The following SEPTIN11 variants were observed in gnomAD, a reference collection of about 807,000 sequenced individuals.
SEPTIN11 encodes septin 11.
Under a neutral mutation model 51.4 loss-of-function variants are expected in SEPTIN11, and 25 were observed. The observed-to-expected ratio is 0.49, with a 90% CI of 0.35 to 0.68. The LOEUF is 0.68. SEPTIN11 is among the 30% of genes least tolerant of loss of function. SEPTIN11 has a pLI of 0.00. For missense variants in SEPTIN11, 381 were observed against 520.8 expected, an observed-to-expected ratio of 0.73 and a Z score of 2.61; for synonymous variants, 174 against 184.1, an observed-to-expected ratio of 0.95 and a Z score of 0.44.
At position 76,949,761 on chromosome 4, in the gene SEPTIN11, C is replaced by T; in HGVS notation, c.-143C>T. 2.4e-6 allele frequency: 2 copies of T among 829,514 alleles called. No homozygotes were observed. Among genetic ancestry groups the T allele is most frequent in the South Asian group, 1.8e-5 (1 of 55,772 alleles). 51.4% of individuals were successfully genotyped at this position (829,514 alleles called of 1,614,324 possible). A position where few individuals can be genotyped will look rare whatever the true frequency, so the allele number is the denominator to read the frequency against. On this transcript the variant is annotated 5_prime_UTR_variant, in exon 1 of 10. Coordinates refer to ENST00000264893, the MANE Select transcript of SEPTIN11 (RefSeq NM_018243.4). The stretch of plus-strand genomic sequence containing the variant: ...GGCGGCGGCGTGGGGGGAGCAGATG[C>T]CGCTGGCTGCCAGCGGGACGCCGGC...
In SEPTIN11 at chr4:76,968,495, A is replaced by G. The variant is rs1317761938; in HGVS notation, c.27+18565A>G. On this transcript the variant is annotated intron_variant, in intron 1 of 9. Transcript: ENST00000264893. ...AACTATTAGTGACAATTAGAGTCTC[A>G]GAAAAACAAAAAAGGCAGATGTTTT... is the stretch of plus-strand genomic sequence containing the variant. Among the ~76,000 whole-genome samples the G allele has an allele frequency of 2.6e-5, 4 of 152,232 alleles. No individual in the cohort carries two copies. In the East Asian group the frequency reaches 7.7e-4, roughly 29 times the overall value.
At chr4:77,027,469 G>A (rs1209063923) in intron 7 of SEPTIN11, among the ~76,000 whole-genome samples, 1 of 152,142 alleles carries the variant, frequency 6.6e-6, no homozygotes, top group Non-Finnish European at 1.5e-5. Context: ...TGGTTGTGTG[G>A]TTCATTATAG....
At chr4:76,989,646 C>T (rs28678521) in intron 1 of SEPTIN11, among the ~76,000 whole-genome samples, 79,925 of 152,104 alleles carry the variant, frequency 0.53, 21,822 homozygotes, top group Middle Eastern at 0.62. Flanking sequence ...TTTACAAACT[C>T]TCAGTCAACA....
At chr4:76,968,363 CTTAAG>C (rs925739979) in intron 1 of SEPTIN11, among the ~76,000 whole-genome samples, 2 of 152,126 alleles carry the variant, frequency 1.3e-5, no homozygotes, top group Admixed American at 1.3e-4. Flanking sequence ...GGCCTAAGGA[CTTAAG>C]TTGAGGCTTA....
chr4:76,971,913 A>G lies in SEPTIN11; in HGVS notation c.27+21983A>G, dbSNP rs184822384. ...ACAGCTCTGCATTGTCTTCTTAAAA[A>G]CAGACCTTTTAAAATATGAGGATGT... On this transcript the variant is annotated intron_variant, in intron 1 of 9. Transcript: ENST00000264893. Among the ~76,000 whole-genome samples the G allele has an allele frequency of 2.6e-3, 393 of 152,346 alleles. 2 individuals carry two copies. Among genetic ancestry groups the G allele is most frequent in the African/African-American group, 9.1e-3 (380 of 41,578 alleles).
In SEPTIN11 at chr4:76,977,236, T is replaced by C. The variant is rs116012359; in HGVS notation, c.28-19189T>C. On this transcript the variant is annotated intron_variant, in intron 1 of 9. Transcript: ENST00000264893. ...AATATTACTGCTTAAGTAGATGATA[T>C]CTGAACATGGTTTCCAAGGGCCTGA... is the stretch of plus-strand genomic sequence containing the variant. Among the ~76,000 whole-genome samples, 578 of 152,286 alleles carry C rather than the reference T, an allele frequency of 3.8e-3. 4 individuals carry two copies. Among genetic ancestry groups the C allele is most frequent in the African/African-American group, 0.013 (540 of 41,558 alleles).
chr4:76,974,706 A>T, intron 1 of SEPTIN11: 1 of 456,012 alleles, frequency 2.2e-6, no homozygotes, highest in Admixed American at 2.3e-5. Context: ...GACCCTGGAC[A>T]CTGGTTTATT....
intron 9 of SEPTIN11, chr4:77,032,246 AG>A (rs1316094383): frequency 1.3e-5 from 2 of 152,218 alleles, no homozygotes; most frequent in African/African-American, 4.8e-5. Flanking sequence ...GCAAGGGAGG[AG>A]GCAAATGTTC....
At chr4:76,981,804 T>C (rs1296973700) in intron 1 of SEPTIN11, among the ~76,000 whole-genome samples, 3 of 152,020 alleles carry the variant, frequency 2.0e-5, no homozygotes, top group East Asian at 1.9e-4. Flanking sequence ...ATTTGGATGG[T>C]TGCCCCAGCT....
At chr4:77,022,388 G>A (rs1277321848) in intron 7 of SEPTIN11, among the ~76,000 whole-genome samples, 1 of 152,094 alleles carries the variant, frequency 6.6e-6, no homozygotes, top group Non-Finnish European at 1.5e-5. Flanking sequence ...TGTGAAATGA[G>A]GAGCTGATCC....
chr4:76,976,148 T>A (rs1218451682), intron 1 of SEPTIN11, among the ~76,000 whole-genome samples: 6 of 152,214 alleles, frequency 3.9e-5, no homozygotes, highest in African/African-American at 1.4e-4. Flanking sequence ...TCTACTTATA[T>A]ACTTAAAGAA....
At chr4:76,959,097 C>A in intron 1 of SEPTIN11, 1 of 656,400 alleles carries the variant, frequency 1.5e-6, no homozygotes, top group South Asian at 1.4e-5. Flanking sequence ...GCTGAGAAGT[C>A]AACTACAAGT....
At chr4:77,021,497 C>A (rs1016466844) in intron 7 of SEPTIN11, 1 of 152,652 alleles carries the variant, frequency 6.6e-6, no homozygotes, top group Non-Finnish European at 1.5e-5. Flanking sequence ...TGAGACGGAG[C>A]CTTGCTCTGT....
rs776998133 is a variant in SEPTIN11, at chr4:77,020,602, A to G, written c.885A>G (p.Glu295=). ...LREQTHTRHY[E]LYRRCKLEEM... is the part of the protein sequence containing the mutation. ...AGCAGACTCACACCCGCCACTATGA[A>G]TTGTACCGACGCTGTAAGCTTGAAG... The change falls in exon 7 of 10, where the codon GAA becomes GAG. Residue 295 remains glutamate, a synonymous_variant. Coordinates refer to ENST00000264893, the MANE Select transcript of SEPTIN11 (RefSeq NM_018243.4). The G allele has an allele frequency of 3.1e-6, 5 of 1,614,076 alleles. No homozygotes were observed. Among genetic ancestry groups the G allele is most frequent in the Non-Finnish European group, 4.2e-6 (5 of 1,179,990 alleles).
In SEPTIN11 at chr4:77,034,586, T is replaced by G. The variant is rs1002856186; in HGVS notation, c.*74T>G. 2.1e-6 allele frequency: 3 copies of G among 1,442,172 alleles called. No individual in the cohort carries two copies. In the Admixed American group the frequency reaches 9.1e-5, roughly 44 times the overall value. 89.3% of individuals were successfully genotyped at this position (1,442,172 alleles called of 1,614,324 possible). On this transcript the variant is annotated 3_prime_UTR_variant, in exon 10 of 10. Transcript: ENST00000264893. ...TATCGTATCTCTGCCATGTGTGTTC[T>G]TTAGTTTTATTTTATTTTATTTTAT... is the stretch of plus-strand genomic sequence containing the variant.
chr4:77,030,714 G>C, intron 8 of SEPTIN11, 69 bp from the exon 9 acceptor site: 1 of 1,448,708 alleles, frequency 6.9e-7, no homozygotes, highest in Non-Finnish European at 9.2e-7. Flanking sequence ...TTTTTGAACA[G>C]ATCCAAAGAA....
At chr4:76,958,703 C>T (rs541444862) in intron 1 of SEPTIN11, among the ~76,000 whole-genome samples, 5 of 152,094 alleles carry the variant, frequency 3.3e-5, no homozygotes, top group Admixed American at 6.5e-5. Flanking sequence ...ATTTGTAAGA[C>T]GCGGTTTTTG....
intron 7 of SEPTIN11, chr4:77,020,933 C>T: frequency 2.5e-6 from 1 of 402,124 alleles, no homozygotes; most frequent in South Asian, 3.3e-5. Flanking sequence ...GCCCAAGGTC[C>T]TCCAAGTAGT....
intron 1 of SEPTIN11, among the ~76,000 whole-genome samples, chr4:76,954,454 T>C (rs1415934856): frequency 1.3e-5 from 2 of 152,178 alleles, no homozygotes; most frequent in Non-Finnish European, 2.9e-5. Flanking sequence ...ACAATATAAT[T>C]GATAACCTCC....
Sources: allele counts gnomAD v4.1 joint callset (sites outside exome capture counted in the v4.1 genomes callset), GRCh38; gene constraint gnomAD v4.1.1; transcripts MANE v1.5; gene names NCBI Gene and HGNC (gene_info 2026-07-23, HGNC 2026-07-21).